CD247: variants seen among roughly 807,000 people sequenced by gnomAD.
CD247 encodes the protein T-cell surface glycoprotein CD3 zeta chain.
In CD247, 13 loss-of-function variants were observed where a neutral mutation model predicts 30.0. The observed-to-expected ratio is 0.43, with a 90% CI of 0.28 to 0.69. The LOEUF (loss-of-function observed/expected upper bound fraction) is 0.69, where lower values mean the gene tolerates loss of function less well. Ranked by LOEUF, CD247 falls within the 30% of genes least tolerant of loss-of-function variation. The pLI is 0.16. For synonymous variants in CD247, 72 were observed against 80.0 expected (o/e 0.90, Z 0.53); for missense variants, 193 against 212.6 (o/e 0.91, Z 0.57).
chr1:167,504,178 C>A (rs1655023578), intron 1 of CD247, among the ~76,000 whole-genome samples: 1 of 152,172 alleles, frequency 6.6e-6, no homozygotes, highest in Non-Finnish European at 1.5e-5. Flanking sequence ...GCTGAATTCC[C>A]CACCTATCAA....
At chr1:167,498,717 C>T (rs1654791304) in intron 1 of CD247, among the ~76,000 whole-genome samples, 1 of 152,178 alleles carries the variant, frequency 6.6e-6, no homozygotes, top group Non-Finnish European at 1.5e-5. Context: ...GATCACGTTG[C>T]TGGGTAGTGA....
At chr1:167,459,348 C>CTTTTTTTT (rs34706916) in intron 1 of CD247, among the ~76,000 whole-genome samples, 7 of 80,422 alleles carry the variant, frequency 8.7e-5, no homozygotes, top group Non-Finnish European at 1.4e-4. Flanking sequence ...CCTTACAACT[C>CTTTTTTTT]TTTTTTTTTT....
Position 167,438,602 on chromosome 1 carries a change from G to C in CD247, c.268C>G (p.Arg90Gly). Reference sequence around the variant, plus strand: ...CCCCCCATCTCAGGGTCCCGGCCACGTCTCTTGTCCAAAACATCGTACTCC... The same window carrying C: ...CCCCCCATCTCAGGGTCCCGGCCACCTCTCTTGTCCAAAACATCGTACTCC... Reference protein sequence around the residue: ...REEYDVLDKRRGRDPEMGGKP... With the variant: ...REEYDVLDKRGGRDPEMGGKP... Residue 90 changes from arginine (R) to glycine (G), a missense_variant, in exon 4 of 8, where the codon CGT becomes GGT. Arg to Gly is a moderately radical substitution (Grantham distance 125). Transcript: ENST00000362089. 1 of 1,614,044 alleles carries C rather than the reference G, an allele frequency of 6.2e-7. No individual in the cohort carries two copies. Among genetic ancestry groups the C allele is most frequent in the Non-Finnish European group, 8.5e-7 (1 of 1,179,938 alleles).
intron 1 of CD247, among the ~76,000 whole-genome samples, chr1:167,504,589 A>G (rs1558031498): frequency 6.6e-6 from 1 of 152,200 alleles, no homozygotes; most frequent in Non-Finnish European, 1.5e-5. Context: ...TCACTAGTAA[A>G]GGCTAGTTTG....
chr1:167,490,156 G>T (rs1017601349), intron 1 of CD247, among the ~76,000 whole-genome samples: 18 of 152,244 alleles, frequency 1.2e-4, no homozygotes, highest in African/African-American at 4.3e-4. Context: ...CTACGGCGGC[G>T]GAAAGATCGG....
At chr1:167,438,699 G>A in intron 3 of CD247, 49 bp from the exon 4 acceptor site, 1 of 1,444,760 alleles carries the variant, frequency 6.9e-7, no homozygotes, top group East Asian at 2.3e-5. Flanking sequence ...AACCTCAGAA[G>A]GATGGAGCCA....
intron 1 of CD247, among the ~76,000 whole-genome samples, chr1:167,462,615 G>A (rs749983901): frequency 1.2e-4 from 18 of 152,186 alleles, no homozygotes; most frequent in Non-Finnish European, 2.5e-4. Context: ...GTTCCTTTTG[G>A]GGGCCGATCC....
intron 1 of CD247, among the ~76,000 whole-genome samples, chr1:167,446,866 G>C (rs58358832): frequency 6.6e-6 from 1 of 152,312 alleles, no homozygotes; most frequent in African/African-American, 2.4e-5. Flanking sequence ...GTGGTGGCAG[G>C]CACCTGTGGT....
At chr1:167,504,473 TG>T (rs2102104810) in intron 1 of CD247, among the ~76,000 whole-genome samples, 1 of 152,370 alleles carries the variant, frequency 6.6e-6, no homozygotes, top group African/African-American at 2.4e-5. Context: ...GACGATGAAA[TG>T]TATGATTAAA....
chr1:167,447,283 A>G (rs1056931141), intron 1 of CD247, among the ~76,000 whole-genome samples: 1 of 152,136 alleles, frequency 6.6e-6, no homozygotes, highest in African/African-American at 2.4e-5. Flanking sequence ...CATCTGATGC[A>G]AAGTCCCTTC....
chr1:167,438,645 G>A lies in CD247; in HGVS notation c.225C>T (p.Leu75=), dbSNP rs1187160438. 1 of 1,613,366 alleles carries A rather than the reference G, an allele frequency of 6.2e-7. No homozygotes were observed. Among genetic ancestry groups the A allele is most frequent in the Non-Finnish European group, 8.5e-7 (1 of 1,179,282 alleles). Residue 75 remains leucine (L), a synonymous_variant, in exon 4 of 8, where the codon CTC becomes CTT. Coordinates refer to ENST00000362089, the MANE Select transcript of CD247 (RefSeq NM_198053.3). ...CGTACTCCTCTCTTCGTCCTAGATT[G>A]AGCTCCTATAACAGATAAGAAAGTG... ...QQGQNQLYNE[L]NLGRREEYDV...
At chr1:167,482,791 G>A (rs1438202314) in intron 1 of CD247, among the ~76,000 whole-genome samples, 1 of 152,184 alleles carries the variant, frequency 6.6e-6, no homozygotes, top group African/African-American at 2.4e-5. Context: ...GGGAAGATGA[G>A]GTGAGGGTAG....
intron 1 of CD247, among the ~76,000 whole-genome samples, chr1:167,445,311 G>A (rs1172361529): frequency 2.0e-5 from 3 of 152,016 alleles, no homozygotes; most frequent in African/African-American, 7.3e-5. Flanking sequence ...GTTCCATTTT[G>A]CCACCTATTG....
intron 1 of CD247, among the ~76,000 whole-genome samples, chr1:167,488,522 G>T (rs1654308497): frequency 6.6e-6 from 1 of 152,178 alleles, no homozygotes. Context: ...ACACAGGCCA[G>T]GGGGATCAGA....
chr1:167,505,246 T>C (rs1655067710), intron 1 of CD247, among the ~76,000 whole-genome samples: 1 of 152,194 alleles, frequency 6.6e-6, no homozygotes, highest in Admixed American at 6.5e-5. Context: ...TCCTCCTGCC[T>C]CAGCCTCCTG....
At chr1:167,473,521 C>T (rs149267432) in intron 1 of CD247, among the ~76,000 whole-genome samples, 14 of 152,188 alleles carry the variant, frequency 9.2e-5, no homozygotes, top group Admixed American at 8.5e-4. Context: ...GAGAATGAGG[C>T]GCTGTTATTA....
chr1:167,473,057 C>T (rs527728682), intron 1 of CD247, among the ~76,000 whole-genome samples: 12 of 151,508 alleles, frequency 7.9e-5, no homozygotes, highest in African/African-American at 2.2e-4. Context: ...TGAAGGATAT[C>T]AGATGTCTAC....
chr1:167,485,122 G>A (rs1654150687), intron 1 of CD247, among the ~76,000 whole-genome samples: 1 of 152,208 alleles, frequency 6.6e-6, no homozygotes. Flanking sequence ...GGATGCAGAT[G>A]GCATGGACTC....
intron 1 of CD247, among the ~76,000 whole-genome samples, chr1:167,482,809 G>A (rs35723100): frequency 0.014 from 2,070 of 152,180 alleles, 48 homozygotes; most frequent in African/African-American, 0.047. Context: ...TAGTTTATCC[G>A]GCCCAGGCTA....
Sources: gnomAD v4.1 joint callset for allele counts (sites outside exome capture counted in the v4.1 genomes callset) on GRCh38, gnomAD v4.1.1 for gene constraint, MANE v1.5 for transcripts, NCBI Gene and HGNC (gene_info 2026-07-23, HGNC 2026-07-21) for gene names.